SPATA6L: variants seen among roughly 807,000 people sequenced by gnomAD.
SPATA6L encodes spermatogenesis associated 6 like.
SPATA6L carries 68 observed loss-of-function variants against 49.2 expected under a neutral mutation model. The observed-to-expected ratio is 1.38, with a 90% CI of 1.14 to 1.69. The LOEUF (loss-of-function observed/expected upper bound fraction) is 1.69. Ranked by LOEUF, SPATA6L falls within the 40% of genes most tolerant of loss-of-function variation. The pLI, the probability that SPATA6L is intolerant of heterozygous loss-of-function variation, is 0.00. For missense variants in SPATA6L, 668 were observed against 464.3 expected, an observed-to-expected ratio of 1.44 and a Z score of -4.03; for synonymous variants, 198 against 165.7, an observed-to-expected ratio of 1.19 and a Z score of -1.50.
intron 3 of SPATA6L, among the ~76,000 whole-genome samples, chr9:4,637,221 C>T (rs895635357): frequency 2.6e-5 from 4 of 152,084 alleles, no homozygotes; most frequent in East Asian, 1.9e-4. Context: ...CTCCACATAA[C>T]GGTTTTGCCT....
intron 7 of SPATA6L, among the ~76,000 whole-genome samples, chr9:4,621,488 ATTC>A (rs1225939265): frequency 2.0e-5 from 3 of 147,212 alleles, no homozygotes; most frequent in African/African-American, 8.0e-5. Flanking sequence ...AATGTGTGCT[ATTC>A]TTTTTTTTTT....
At chr9:4,665,904 A>C (rs147648492) in intron 1 of SPATA6L, among the ~76,000 whole-genome samples, 23 of 152,310 alleles carry the variant, frequency 1.5e-4, no homozygotes, top group East Asian at 1.4e-3. Flanking sequence ...TATCCAGGAG[A>C]AGAAAATAAA....
intron 3 of SPATA6L, among the ~76,000 whole-genome samples, chr9:4,638,659 G>C (rs1286600376): frequency 6.6e-6 from 1 of 152,062 alleles, no homozygotes; most frequent in African/African-American, 2.4e-5. Flanking sequence ...CCTCCATCCA[G>C]AAACTCTGAA....
At chr9:4,612,883 A>T (rs1011128174) in intron 9 of SPATA6L, among the ~76,000 whole-genome samples, 5 of 152,108 alleles carry the variant, frequency 3.3e-5, no homozygotes, top group Non-Finnish European at 1.5e-5. Context: ...GTACATAGCA[A>T]TTTGATAATG....
chr9:4,617,931 G>C lies in SPATA6L; in HGVS notation c.987C>G (p.Leu329=). ...TSPGPLDQPL[L]RERFHPGSQS... The stretch of plus-strand genomic sequence containing the variant: ...GGGTGCTTGCCACTGACCTTTCTCT[G>C]AGAAGGGGCTGATCCAAGGGGCCAG... The change falls in exon 9 of 12, where the codon CTC becomes CTG. Residue 329 remains leucine, a synonymous_variant. Coordinates refer to ENST00000682582, the MANE Select transcript of SPATA6L (RefSeq NM_001353486.2). 2 of 1,609,286 alleles carry C rather than the reference G, an allele frequency of 1.2e-6. No individual in the cohort carries two copies. The highest frequency in any genetic ancestry group is 8.5e-7 in the Non-Finnish European group (1 of 1,177,388).
At chr9:4,614,014 C>T (rs1223262068) in intron 9 of SPATA6L, among the ~76,000 whole-genome samples, 3 of 152,124 alleles carry the variant, frequency 2.0e-5, no homozygotes, top group African/African-American at 4.8e-5. Context: ...AATACCAAAG[C>T]GACTCTTTCA....
chr9:4,648,699 C>T (rs1836058067), intron 3 of SPATA6L, among the ~76,000 whole-genome samples: 2 of 47,074 alleles, frequency 4.2e-5, no homozygotes, highest in East Asian at 9.3e-4. Flanking sequence ...GACCCCGTCT[C>T]GAAAAATAAA....
chr9:4,624,997 A>T (rs1286020542), intron 6 of SPATA6L, among the ~76,000 whole-genome samples: 2 of 152,168 alleles, frequency 1.3e-5, no homozygotes, highest in African/African-American at 4.8e-5. Flanking sequence ...AACCTTCATT[A>T]TGCATTTGCA....
At chr9:4,603,675 T>C (rs921069776) in intron 11 of SPATA6L, among the ~76,000 whole-genome samples, 2 of 152,188 alleles carry the variant, frequency 1.3e-5, no homozygotes, top group African/African-American at 4.8e-5. Context: ...AAGAGACAGA[T>C]TTTAAACAAT....
At chr9:4,665,502 A>G (rs970761499) in intron 1 of SPATA6L, among the ~76,000 whole-genome samples, 15 of 152,242 alleles carry the variant, frequency 9.9e-5, no homozygotes, top group African/African-American at 3.4e-4. Flanking sequence ...ATGGAAGACA[A>G]CCAGATTCCA....
chr9:4,596,752 T>G (rs926077164), downstream of SPATA6L, among the ~76,000 whole-genome samples: 2 of 152,138 alleles, frequency 1.3e-5, no homozygotes, highest in Non-Finnish European at 2.9e-5. Context: ...TTCAAACCCT[T>G]TAAGTTGAAT....
intron 7 of SPATA6L, among the ~76,000 whole-genome samples, chr9:4,621,874 T>C (rs1478314764): frequency 6.6e-6 from 1 of 152,166 alleles, no homozygotes; most frequent in African/African-American, 2.4e-5. Flanking sequence ...GAAAAGCTCT[T>C]TGGGCTCTTT....
chr9:4,606,017 C>G (rs368619296), intron 9 of SPATA6L, among the ~76,000 whole-genome samples: 234 of 152,154 alleles, frequency 1.5e-3, no homozygotes, highest in East Asian at 8.3e-3. Flanking sequence ...AGGGGTCAGG[C>G]AGTTCCCTTT....
chr9:4,602,139 GTT>G (rs201352107), intron 11 of SPATA6L, among the ~76,000 whole-genome samples: 75 of 149,444 alleles, frequency 5.0e-4, no homozygotes, highest in Middle Eastern at 3.4e-3. Context: ...AAGAATTGAC[GTT>G]TTTTTTTTTT....
intron 9 of SPATA6L, among the ~76,000 whole-genome samples, chr9:4,606,421 G>C (rs550582655): frequency 4.1e-4 from 34 of 82,732 alleles, no homozygotes; most frequent in Non-Finnish European, 6.8e-4. Context: ...GAAGAGAGCA[G>C]TGGTTCTCCC....
At chr9:4,611,657 G>A (rs1375436237) in intron 9 of SPATA6L, among the ~76,000 whole-genome samples, 3 of 117,074 alleles carry the variant, frequency 2.6e-5, no homozygotes, top group African/African-American at 9.7e-5. Flanking sequence ...GTGGGGTGGG[G>A]GGAGGGGGGA....
intron 3 of SPATA6L, among the ~76,000 whole-genome samples, chr9:4,637,472 A>T (rs888762969): frequency 3.3e-5 from 5 of 152,212 alleles, no homozygotes; most frequent in Non-Finnish European, 5.9e-5. Context: ...TCAAGGCTCC[A>T]TGAAAACAGT....
At chr9:4,636,895 C>T (rs184985775) in intron 3 of SPATA6L, among the ~76,000 whole-genome samples, 8 of 152,288 alleles carry the variant, frequency 5.3e-5, no homozygotes, top group Non-Finnish European at 7.4e-5. Flanking sequence ...AATGTACTTC[C>T]ACCATGCATG....
At chr9:4,603,023 A>G (rs1823751332) in intron 11 of SPATA6L, among the ~76,000 whole-genome samples, 1 of 152,230 alleles carries the variant, frequency 6.6e-6, no homozygotes, top group African/African-American at 2.4e-5. Context: ...AAAAGAATAT[A>G]TGAGAAACGA....
Sources: gnomAD v4.1 joint callset for allele counts (sites outside exome capture counted in the v4.1 genomes callset) on GRCh38, gnomAD v4.1.1 for gene constraint, MANE v1.5 for transcripts, NCBI Gene and HGNC (gene_info 2026-07-23, HGNC 2026-07-21) for gene names.